The following KIF16B variants were observed in gnomAD, a reference collection of about 807,000 sequenced individuals.
KIF16B encodes the protein kinesin family member 16B.
A neutral mutation model predicts 156.3 loss-of-function variants in KIF16B; 98 were observed. That is an observed-to-expected ratio of 0.63 (90% confidence interval 0.53 to 0.74). The LOEUF is 0.74. Among genes scored for constraint, KIF16B ranks in the 30% least tolerant of loss-of-function variants. The pLI is 0.00. For synonymous variants in KIF16B, 564 were observed against 583.7 expected, an observed-to-expected ratio of 0.97 and a Z score of 0.49; for missense variants, 1,421 against 1,606.5, an observed-to-expected ratio of 0.88 and a Z score of 1.97.
At chr20:16,450,115 T>C (rs2067038740) in intron 12 of KIF16B, among the ~76,000 whole-genome samples, 1 of 152,212 alleles carries the variant, frequency 6.6e-6, no homozygotes, top group African/African-American at 2.4e-5. Flanking sequence ...TCCAGCCTAT[T>C]TCAATATTTC....
In KIF16B at chr20:16,522,135, T is replaced by C. The variant is rs181806814; in HGVS notation, c.231+3957A>G. ...CAACTAATGGGCAAAATAACCAGCT[T>C]AGCATCATGATGACAGGATCGAATA... On this transcript the variant is annotated intron_variant, in intron 3 of 25. Transcript: ENST00000354981. Among the ~76,000 whole-genome samples, 1,222 of 152,226 alleles carry C rather than the reference T, an allele frequency of 8.0e-3. 12 individuals carry two copies. Among genetic ancestry groups the C allele is most frequent in the Non-Finnish European group, 0.01 (701 of 68,012 alleles).
Position 16,528,357 on chromosome 20 carries a change from A to G in KIF16B, c.117+14T>C. On this transcript the variant is annotated intron_variant, in intron 2 of 25. Transcript: ENST00000354981. ...GGGCTCTTGGAACTTAAGCAAGGCC[A>G]GGTCATGACTTGCCTTTAAGTTTGT... The G allele has an allele frequency of 6.2e-7, 1 of 1,607,090 alleles. No homozygotes were observed.
Position 16,428,370 on chromosome 20 carries a change from C to CCCA in KIF16B, c.1474+580_1474+582dup, listed in dbSNP as rs1328517403. ...CTATCTTGCCACACACATATACACA[C>CCCA]CCACCACCACCACCACCAGTTGCCT... On this transcript the variant is annotated intron_variant, in intron 14 of 25. Coordinates refer to ENST00000354981, the MANE Select transcript of KIF16B (RefSeq NM_024704.5). Among the ~76,000 whole-genome samples, 6 of 152,002 alleles carry CCCA rather than the reference C, an allele frequency of 3.9e-5. No individual in the cohort carries two copies. The East Asian group carries it at 5.8e-4, about 15-fold the overall frequency.
At chr20:16,398,467 A>G (rs1302071157) in intron 17 of KIF16B, among the ~76,000 whole-genome samples, 2 of 152,160 alleles carry the variant, frequency 1.3e-5, no homozygotes, top group Non-Finnish European at 2.9e-5. Flanking sequence ...CATGGCAGGG[A>G]CAGGACTCCA....
At chr20:16,480,873 T>C (rs114831032) in intron 12 of KIF16B, among the ~76,000 whole-genome samples, 3,627 of 152,306 alleles carry the variant, frequency 0.024, 150 homozygotes, top group African/African-American at 0.084. Context: ...AGTTAAAATT[T>C]CTTTTCAAAT....
At chr20:16,350,634 T>A (rs191090378) in intron 23 of KIF16B, among the ~76,000 whole-genome samples, 11 of 149,762 alleles carry the variant, frequency 7.3e-5, no homozygotes, top group Non-Finnish European at 1.5e-5. Flanking sequence ...CCTGCATGAC[T>A]AAGAGCCACC....
At chr20:16,399,623 A>T (rs2065598678) in intron 17 of KIF16B, among the ~76,000 whole-genome samples, 1 of 152,176 alleles carries the variant, frequency 6.6e-6, no homozygotes, top group Non-Finnish European at 1.5e-5. Flanking sequence ...AGCTTTTCCC[A>T]TGGGGTGTCT....
intron 14 of KIF16B, among the ~76,000 whole-genome samples, chr20:16,427,510 T>C (rs1357571839): frequency 6.6e-6 from 1 of 152,150 alleles, no homozygotes; most frequent in Non-Finnish European, 1.5e-5. Context: ...TGTTAACTCA[T>C]TTCATCTTTG....
Position 16,275,806 on chromosome 20 carries a change from G to A in KIF16B, c.3796-2395C>T, listed in dbSNP as rs568929040. Among the ~76,000 whole-genome samples the A allele has an allele frequency of 2.0e-5, 3 of 152,228 alleles. No homozygotes were observed. In the South Asian group the frequency reaches 6.2e-4, roughly 32 times the overall value. On this transcript the variant is annotated intron_variant, in intron 25 of 25. Coordinates refer to ENST00000354981, the MANE Select transcript of KIF16B (RefSeq NM_024704.5). ...CTGACTTCCACTTTTCTGCGGGAAGGGACCCTGAGAATATCAACTTTAAAG... is the reference window on the plus strand; with the variant it reads ...CTGACTTCCACTTTTCTGCGGGAAGAGACCCTGAGAATATCAACTTTAAAG...
At chr20:16,507,929 GA>G in intron 7 of KIF16B, 28 bp downstream of exon 7, 1 of 1,613,408 alleles carries the variant, frequency 6.2e-7, no homozygotes, top group Non-Finnish European at 8.5e-7. Flanking sequence ...CTCAGGGATG[GA>G]GCCAGCTGGT....
At chr20:16,367,274 T>G in intron 22 of KIF16B, 1 of 1,612,838 alleles carries the variant, frequency 6.2e-7, no homozygotes, top group East Asian at 2.2e-5. Flanking sequence ...AACTGGACAT[T>G]TGGGGCTTCC....
intron 12 of KIF16B, among the ~76,000 whole-genome samples, chr20:16,433,560 C>G (rs1303008659): frequency 6.7e-6 from 1 of 149,956 alleles, no homozygotes; most frequent in Non-Finnish European, 1.5e-5. Flanking sequence ...TTACTTGTTC[C>G]CACCCATCCC....
At position 16,406,454 on chromosome 20, in the gene KIF16B, C is replaced by A; in HGVS notation, c.1615G>T (p.Ala539Ser). Residue 539 changes from alanine (A) to serine (S), a missense_variant and splice_region_variant, in exon 16 of 26, where the codon GCT (alanine) becomes TCT (serine). Coordinates refer to ENST00000354981, the MANE Select transcript of KIF16B (RefSeq NM_024704.5). ...TTGGTTCTTCCCAAGAGAATCACAG[C>A]ACCTGAAAACACACAAAAACAGTAA... ...IVEATHLNQG[A>S]VILLGRTNMF... The A allele has an allele frequency of 1.2e-6, 2 of 1,613,280 alleles. No homozygotes were observed. Among genetic ancestry groups the A allele is most frequent in the Non-Finnish European group, 1.7e-6 (2 of 1,179,426 alleles).
chr20:16,506,227 A>C (rs1313621991), intron 7 of KIF16B, 37 bp from the exon 8 acceptor site: 3 of 1,547,942 alleles, frequency 1.9e-6, no homozygotes, highest in African/African-American at 2.7e-5. Flanking sequence ...GAAGAGGTGC[A>C]AAGGGCCCTG....
chr20:16,313,619 T>C (rs2063654065), intron 24 of KIF16B, among the ~76,000 whole-genome samples: 2 of 152,200 alleles, frequency 1.3e-5, no homozygotes, highest in South Asian at 4.1e-4. Context: ...AACGCAGGCC[T>C]GACACTATGA....
chr20:16,527,695 G>A (rs917425905), intron 2 of KIF16B, among the ~76,000 whole-genome samples: 4 of 152,058 alleles, frequency 2.6e-5, no homozygotes, highest in African/African-American at 9.7e-5. Context: ...TCCCATCTCA[G>A]CCTCTCGAGT....
chr20:16,407,665 A>G (rs1226525488), intron 15 of KIF16B, among the ~76,000 whole-genome samples: 1 of 152,168 alleles, frequency 6.6e-6, no homozygotes, highest in Non-Finnish European at 1.5e-5. Context: ...TCCAAAGTTC[A>G]GGATGTTTGA....
At chr20:16,398,408 G>A (rs2065567204) in intron 17 of KIF16B, among the ~76,000 whole-genome samples, 1 of 152,098 alleles carries the variant, frequency 6.6e-6, no homozygotes, top group Admixed American at 6.5e-5. Context: ...GAGGAGGAGG[G>A]GGTGACCAGG....
intron 22 of KIF16B, among the ~76,000 whole-genome samples, chr20:16,365,659 G>A (rs2064647950): frequency 6.6e-6 from 1 of 152,246 alleles, no homozygotes; most frequent in Non-Finnish European, 1.5e-5. Flanking sequence ...TCAGGGGAAA[G>A]AGGGAAGATG....
Sources: gnomAD v4.1 joint callset for allele counts (sites outside exome capture counted in the v4.1 genomes callset) on GRCh38, gnomAD v4.1.1 for gene constraint, MANE v1.5 for transcripts, NCBI Gene and HGNC (gene_info 2026-07-23, HGNC 2026-07-21) for gene names.